PCDHGB7: variants seen among roughly 807,000 people sequenced by gnomAD.
PCDHGB7 encodes the protein protocadherin gamma subfamily B, 7.
In PCDHGB7, 37 loss-of-function variants were observed where a neutral mutation model predicts 61.4. The observed-to-expected ratio is 0.60, with a 90% CI of 0.46 to 0.79. The LOEUF (loss-of-function observed/expected upper bound fraction) is 0.79, where lower values mean the gene tolerates loss of function less well. Among genes scored for constraint, PCDHGB7 ranks in the 30% least tolerant of loss-of-function variants. PCDHGB7 has a pLI of 0.00. For missense variants in PCDHGB7, 1,166 were observed against 1,202.5 expected (o/e 0.97, Z 0.45); for synonymous variants, 464 against 503.5 (o/e 0.92, Z 1.05).
rs1463716042 is a variant in PCDHGB7 at position 141,511,338 on chromosome 5, T to C, written c.*165T>C. 42 of 1,429,834 alleles carry C rather than the reference T, an allele frequency of 2.9e-5. No homozygotes were observed. The highest frequency in any genetic ancestry group is 3.9e-5 in the Non-Finnish European group (42 of 1,075,502). 88.6% of individuals were successfully genotyped at this position (1,429,834 alleles called of 1,614,324 possible). A position where few individuals can be genotyped will look rare whatever the true frequency, so the allele number is the denominator to read the frequency against. On this transcript the variant is annotated 3_prime_UTR_variant, in exon 4 of 4. Coordinates refer to ENST00000398594, the MANE Select transcript of PCDHGB7 (RefSeq NM_018927.4). ...CAGAAACAAGTGCCCAGTCAGCACC[T>C]ACCCCTTCCCCCCCAGGGGGTTGAA... is the stretch of plus-strand genomic sequence containing the variant.
At chr5:141,500,223 T>TTG (rs1227708024) in intron 2 of PCDHGB7, among the ~76,000 whole-genome samples, 1 of 145,320 alleles carries the variant, frequency 6.9e-6, no homozygotes, top group Non-Finnish European at 1.5e-5. Flanking sequence ...TTTATTTATT[T>TTG]ATTGATACGT....
intron 1 of PCDHGB7, among the ~76,000 whole-genome samples, chr5:141,452,388 A>G (rs892688242): frequency 3.9e-5 from 6 of 152,210 alleles, no homozygotes; most frequent in Non-Finnish European, 5.9e-5. Flanking sequence ...TAGTATTTAG[A>G]AACTAAGATC....
intron 1 of PCDHGB7, chr5:141,441,337 T>A (rs980210130): frequency 6.6e-6 from 1 of 152,112 alleles, no homozygotes; most frequent in African/African-American, 2.4e-5. Flanking sequence ...CTCCAATAAT[T>A]AACTACATGC....
In PCDHGB7 at chr5:141,431,955, GA is replaced by G; in HGVS notation, c.2415+11684del. ...CCCTTTAAATTAGAAAAATCTTACG[GA>G]AATTACTATAGTTTAGTCACAGACA... On this transcript the variant is annotated intron_variant, in intron 1 of 3. Coordinates refer to ENST00000398594, the MANE Select transcript of PCDHGB7 (RefSeq NM_018927.4). The surrounding 1 kb of genome is among the most constrained non-coding windows in gnomAD (Gnocchi z 4.8). The G allele has an allele frequency of 6.2e-7, 1 of 1,614,142 alleles. No homozygotes were observed. Among genetic ancestry groups the G allele is most frequent in the Non-Finnish European group, 8.5e-7 (1 of 1,180,024 alleles).
chr5:141,443,436 T>A (rs1435598893), intron 1 of PCDHGB7, among the ~76,000 whole-genome samples: 1 of 152,132 alleles, frequency 6.6e-6, no homozygotes, highest in Admixed American at 6.6e-5. Context: ...CAGTGAGCTG[T>A]GGTTGCGCTC....
chr5:141,463,438 CTTTTTTTTTTTT>C (rs71576115), intron 1 of PCDHGB7, among the ~76,000 whole-genome samples: 6 of 103,254 alleles, frequency 5.8e-5, no homozygotes, highest in Admixed American at 3.1e-4. Flanking sequence ...TTTCCTTCTC[CTTTTTTTTTTTT>C]TTTTTTTTTT....
At chr5:141,450,982 A>G (rs746572732) in intron 1 of PCDHGB7, among the ~76,000 whole-genome samples, 18 of 151,360 alleles carry the variant, frequency 1.2e-4, no homozygotes, top group Non-Finnish European at 1.9e-4. Context: ...GTGCCACCAC[A>G]CCCGGCTAAT....
rs994324285 is a variant in PCDHGB7 at position 141,455,094 on chromosome 5, G to A, written c.2415+34820G>A. Among the ~76,000 whole-genome samples the A allele has an allele frequency of 3.3e-5, 5 of 152,104 alleles. No individual in the cohort carries two copies. In the Middle Eastern group the frequency reaches 0.014, roughly 414 times the overall value. ...CCCAAAGTGCTGGGATTACAGGCTT[G>A]AGCCACTGCGCCCGGTGGGTCTAAT... On this transcript the variant is annotated intron_variant, in intron 1 of 3. Coordinates refer to ENST00000398594, the MANE Select transcript of PCDHGB7 (RefSeq NM_018927.4).
In PCDHGB7 at chr5:141,477,877, C is replaced by A; in HGVS notation, c.2416-16930C>A. 1 of 1,614,170 alleles carries A rather than the reference C, an allele frequency of 6.2e-7. No homozygotes were observed. The highest frequency in any genetic ancestry group is 8.5e-7 in the Non-Finnish European group (1 of 1,180,036). On this transcript the variant is annotated intron_variant, in intron 1 of 3. Transcript: ENST00000398594. This position sits in a 1 kb window ranked among gnomAD's most constrained non-coding sequence, Gnocchi z 4.9. The stretch of plus-strand genomic sequence containing the variant: ...TGCTGCCTCGAGGTACCTCAGCTGG[C>A]CACCTAGTGTCACGGGTGGTAGGCT...
intron 2 of PCDHGB7, among the ~76,000 whole-genome samples, chr5:141,499,010 AAGG>A (rs2099788390): frequency 6.6e-6 from 1 of 151,098 alleles, no homozygotes; most frequent in Non-Finnish European, 1.5e-5. Context: ...GGAAGGAAGG[AAGG>A]AAGGAAGGAA....
Position 141,485,209 on chromosome 5 carries a change from G to T in PCDHGB7, c.2416-9598G>T, listed in dbSNP as rs2099609420. The T allele has an allele frequency of 6.2e-7, 1 of 1,614,032 alleles. No individual in the cohort carries two copies. Among genetic ancestry groups the T allele is most frequent in the African/African-American group, 1.3e-5 (1 of 74,938 alleles). On this transcript the variant is annotated intron_variant, in intron 1 of 3. Transcript: ENST00000398594. This position sits in a 1 kb window ranked among gnomAD's most constrained non-coding sequence, Gnocchi z 5.7. Reference sequence around the variant, plus strand: ...AGGTGAGAAGCTGGACAGAAATCTGGCGGTGGGCTACCCTTTTGTTCCTCT... The same window carrying T: ...AGGTGAGAAGCTGGACAGAAATCTGTCGGTGGGCTACCCTTTTGTTCCTCT...
chr5:141,470,490 A>C (rs1193023083), intron 1 of PCDHGB7, among the ~76,000 whole-genome samples: 1 of 152,202 alleles, frequency 6.6e-6, no homozygotes, highest in African/African-American at 2.4e-5. Context: ...TCTGGGAATA[A>C]TATTAGGTAA....
rs2096779089 is a variant in PCDHGB7, at chr5:141,423,760, G to GA, written c.2415+3486_2415+3487insA. On this transcript the variant is annotated intron_variant, in intron 1 of 3. Transcript: ENST00000398594. ...GTTATGAAAACTGTTTGGGGGGGGG[G>GA]TGGGGCGGCATATATTTAGTTCATA... 1.1e-5 allele frequency: 3 copies of GA among 279,664 alleles called. 1 individual carries two copies. Among genetic ancestry groups the GA allele is most frequent in the African/African-American group, 6.7e-5 (2 of 29,702 alleles). The allele number at this position is 279,664 out of a possible 1,614,324, so 17.3% of individuals were successfully genotyped here.
At chr5:141,422,375 TCTC>T in intron 1 of PCDHGB7, 1 of 1,570,814 alleles carries the variant, frequency 6.4e-7, no homozygotes, top group Non-Finnish European at 8.6e-7. Context: ...AATGGTCAAG[TCTC>T]CTGTTTTATT....
chr5:141,434,964 T>C (rs2154556462), intron 1 of PCDHGB7, among the ~76,000 whole-genome samples: 1 of 152,004 alleles, frequency 6.6e-6, no homozygotes, highest in East Asian at 1.9e-4. Context: ...ATTTATAAAA[T>C]TACTTTGTTA....
chr5:141,472,045 TA>T (rs1227282207), intron 1 of PCDHGB7, among the ~76,000 whole-genome samples: 3 of 152,170 alleles, frequency 2.0e-5, no homozygotes, highest in Non-Finnish European at 4.4e-5. Flanking sequence ...GAAAAGATTT[TA>T]AAAATGATTG....
chr5:141,462,617 T>C (rs1413543706), intron 1 of PCDHGB7, among the ~76,000 whole-genome samples: 1 of 151,850 alleles, frequency 6.6e-6, no homozygotes, highest in East Asian at 1.9e-4. Context: ...TTTTCACTTT[T>C]AGAAGTTCCA....
intron 2 of PCDHGB7, among the ~76,000 whole-genome samples, chr5:141,500,194 T>G (rs994324188): frequency 2.1e-4 from 31 of 147,918 alleles, no homozygotes; most frequent in African/African-American, 7.7e-4. Context: ...TTTTATTTAT[T>G]TATTTATTTA....
intron 2 of PCDHGB7, 149 bp from the exon 3 acceptor site, chr5:141,505,244 T>C (rs886952348): frequency 7.0e-7 from 1 of 1,428,216 alleles, no homozygotes; most frequent in Non-Finnish European, 9.4e-7. Context: ...TGAAGGATTG[T>C]AGAAGTGCCT....
Sources: gnomAD v4.1 joint callset for allele counts (sites outside exome capture counted in the v4.1 genomes callset) on GRCh38, gnomAD v4.1.1 for gene constraint, Gnocchi (gnomAD v3.1) non-coding constraint, MANE v1.5 for transcripts, NCBI Gene and HGNC (gene_info 2026-07-23, HGNC 2026-07-21) for gene names.